Variants in SYT7 observed in about 807,000 individuals in gnomAD.
SYT7 encodes the protein synaptotagmin 7, also known as synaptotagmin-7.
A neutral mutation model predicts 75.1 loss-of-function variants in SYT7; 29 were observed. The observed-to-expected ratio is 0.39, with a 90% CI of 0.29 to 0.53. The LOEUF (loss-of-function observed/expected upper bound fraction) is 0.53. SYT7 is among the 20% of genes least tolerant of loss of function. The probability of loss-of-function intolerance (pLI) is 0.77; values close to 1 mark genes in which losing one functional copy is unlikely to be tolerated. For synonymous variants in SYT7, 376 were observed against 401.7 expected (o/e 0.94, Z 0.76); for missense variants, 693 against 953.2 (o/e 0.73, Z 3.59).
At chr11:61,543,564 G>A (rs1424708189) in intron 5 of SYT7, among the ~76,000 whole-genome samples, 1 of 152,248 alleles carries the variant, frequency 6.6e-6, no homozygotes, top group Non-Finnish European at 1.5e-5. Flanking sequence ...CTCTGGAAAA[G>A]TGACTCCACC....
intron 7 of SYT7, among the ~76,000 whole-genome samples, chr11:61,536,119 ATGGG>A (rs1332291647): frequency 6.6e-6 from 1 of 151,794 alleles, no homozygotes; most frequent in Non-Finnish European, 1.5e-5. Context: ...TGTTTCCAGG[ATGGG>A]TGGGCATGAC....
chr11:61,538,230 C>T lies in SYT7; in HGVS notation c.978G>A (p.Gly326=). The change falls in exon 7 of 13, where the codon GGG becomes GGA. Residue 326 remains glycine, a synonymous_variant. Transcript: ENST00000539008. The part of the protein sequence containing the change: ...GRMVVLSLVL[G]LSEQDDFANI... ...TGGCAAAGTCATCCTGTTCCGAAAGCCCTAAGACCAAGGATAGCACCACCA... is the reference window on the plus strand; with the variant it reads ...TGGCAAAGTCATCCTGTTCCGAAAGTCCTAAGACCAAGGATAGCACCACCA... 1.3e-6 allele frequency: 2 copies of T among 1,536,008 alleles called. No individual in the cohort carries two copies. Among genetic ancestry groups the T allele is most frequent in the Non-Finnish European group, 1.7e-6 (2 of 1,146,858 alleles).
chr11:61,538,356 A>AGAGAGC lies in SYT7; in HGVS notation c.942-91_942-90insGCTCTC, dbSNP rs2062937433. 15 of 703,190 alleles carry AGAGAGC rather than the reference A, an allele frequency of 2.1e-5. No homozygotes were observed. The South Asian group carries it at 3.2e-4, about 15-fold the overall frequency. The allele number at this position is 703,190 out of a possible 1,614,324, so 43.6% of individuals were successfully genotyped here. A position where few individuals can be genotyped will look rare whatever the true frequency, so the allele number is the denominator to read the frequency against. ...GGGAAGGAGAGAGAGGGAGAGAGAGAGAGAGAGAGAGAGAGAGAGAGAGAG... is the reference window on the plus strand; with the variant it reads ...GGGAAGGAGAGAGAGGGAGAGAGAGAGAGAGCGAGAGAGAGAGAGAGAGAGAGAGAG... On this transcript the variant is annotated intron_variant, in intron 6 of 12. Transcript: ENST00000539008.
chr11:61,579,282 G>A (rs1454667077), intron 1 of SYT7, among the ~76,000 whole-genome samples: 4 of 152,240 alleles, frequency 2.6e-5, no homozygotes, highest in Non-Finnish European at 2.9e-5. Flanking sequence ...CTCCTGCCAC[G>A]GGCCATGGGC....
At chr11:61,548,305 G>A in intron 3 of SYT7, among the ~76,000 whole-genome samples, 1 of 152,206 alleles carries the variant, frequency 6.6e-6, no homozygotes. Flanking sequence ...CCAAGGTGGA[G>A]CTGCTGGGTC....
chr11:61,538,079 G>A (rs964114630), intron 7 of SYT7, 65 bp downstream of exon 7: 10 of 1,526,042 alleles, frequency 6.6e-6, no homozygotes, highest in African/African-American at 2.8e-5. Flanking sequence ...GCCGGTCGAG[G>A]CAGGCGGCCT....
rs1336336849 is a variant in SYT7 at position 61,542,693 on chromosome 11, C to A, written c.573-114G>T. 1.4e-6 allele frequency: 2 copies of A among 1,382,700 alleles called. No individual in the cohort carries two copies. The highest frequency in any genetic ancestry group is 3.3e-5 in the Admixed American group (1 of 30,154). 85.7% of individuals were successfully genotyped at this position (1,382,700 alleles called of 1,614,324 possible). On this transcript the variant is annotated intron_variant, in intron 5 of 12. Coordinates refer to ENST00000539008, the MANE Select transcript of SYT7 (RefSeq NM_001365809.2). This position sits in a 1 kb window ranked among gnomAD's most constrained non-coding sequence, Gnocchi z 7.8. The stretch of plus-strand genomic sequence containing the variant: ...GGCCCCAGTGCAGGGTGCGCGCTGC[C>A]GGACCTCGCCAGGCCTCCATCGGAG...
chr11:61,543,004 G>A (rs1417621884), intron 5 of SYT7, among the ~76,000 whole-genome samples: 2 of 152,214 alleles, frequency 1.3e-5, no homozygotes, highest in Admixed American at 1.3e-4. Flanking sequence ...TTTCGCTGGG[G>A]GACACCAGGA....
upstream of SYT7, among the ~76,000 whole-genome samples, chr11:61,582,852 G>T (rs1441605653): frequency 6.6e-6 from 1 of 151,944 alleles, no homozygotes; most frequent in East Asian, 1.9e-4. Flanking sequence ...AGAAAGCTAA[G>T]CCAACAGGCT....
chr11:61,528,785 A>C (rs1194924493), intron 8 of SYT7, among the ~76,000 whole-genome samples: 1 of 152,200 alleles, frequency 6.6e-6, no homozygotes, highest in Non-Finnish European at 1.5e-5. Context: ...AGAAAATTGC[A>C]GACTCCCCAG....
At chr11:61,583,580 G>T (rs952709739), upstream of SYT7, among the ~76,000 whole-genome samples, 10 of 152,188 alleles carry the variant, frequency 6.6e-5, no homozygotes, top group African/African-American at 2.4e-4. Flanking sequence ...GAATCACTCT[G>T]GTTGAGACTC....
intron 7 of SYT7, chr11:61,533,665 G>A: frequency 2.0e-6 from 2 of 985,426 alleles, no homozygotes; most frequent in Non-Finnish European, 2.4e-6. Context: ...GACTGACCAG[G>A]TGAGGTCAGG....
chr11:61,540,416 G>C, intron 6 of SYT7: 4 of 751,812 alleles, frequency 5.3e-6, no homozygotes, highest in Non-Finnish European at 6.5e-6. Flanking sequence ...ATTTTTAGAG[G>C]GTTGTTTTAA....
intron 2 of SYT7, among the ~76,000 whole-genome samples, chr11:61,554,670 C>G (rs967190615): frequency 8.5e-5 from 13 of 152,168 alleles, no homozygotes; most frequent in African/African-American, 3.1e-4. Context: ...CCCCCAGCCT[C>G]CGAGGACACT....
intron 7 of SYT7, among the ~76,000 whole-genome samples, chr11:61,534,501 C>A (rs966443300): frequency 5.3e-5 from 8 of 151,880 alleles, no homozygotes; most frequent in African/African-American, 1.7e-4. Flanking sequence ...GCCCCACAGA[C>A]ATCCAGAGGG....
rs1385060746 is a variant in SYT7 at position 61,574,025 on chromosome 11, C to T, written c.31+6765G>A. Among the ~76,000 whole-genome samples the T allele has an allele frequency of 2.0e-5, 3 of 152,262 alleles. No homozygotes were observed. The East Asian group carries it at 5.8e-4, about 29-fold the overall frequency. The stretch of plus-strand genomic sequence containing the variant: ...GAGCACACAACATGTCTCTGCTATT[C>T]TGATGGTAACCTAACTGACACTGCC... On this transcript the variant is annotated intron_variant, in intron 1 of 12. Transcript: ENST00000539008.
At chr11:61,540,126 T>G (rs991603897) in intron 6 of SYT7, 1 of 152,120 alleles carries the variant, frequency 6.6e-6, no homozygotes, top group Admixed American at 6.5e-5. Context: ...GATTCGTCAC[T>G]CTCTCCAGCT....
At position 61,538,183 on chromosome 11, in the gene SYT7, G is replaced by A. The variant is rs2062926362; in HGVS notation, c.1025C>T (p.Pro342Leu). The A allele has an allele frequency of 2.0e-6, 3 of 1,535,962 alleles. No homozygotes were observed. The highest frequency in any genetic ancestry group is 2.0e-5 in the Admixed American group (1 of 50,988). ...DFANIPDLQN[P>L]GTQQNQNAQG... ...AGCGTTCTGGTTCTGCTGGGTTCCT[G>A]GGTTTTGCAGGTCAGGGATATTGGC... The change falls in exon 7 of 13, where the codon CCA (proline) becomes CTA (leucine). Residue 342 changes from proline (P) to leucine (L), a missense_variant. Physicochemically the swap from Pro to Leu is moderately conservative, Grantham distance 98 (BLOSUM62 -3). Transcript: ENST00000539008.
intron 1 of SYT7, among the ~76,000 whole-genome samples, chr11:61,565,420 A>G (rs570322791): frequency 6.6e-6 from 1 of 152,292 alleles, no homozygotes; most frequent in Middle Eastern, 3.4e-3. Flanking sequence ...ATAAAGGAAG[A>G]GAAAGCCAGT....
Sources: gnomAD v4.1 joint callset for allele counts (sites outside exome capture counted in the v4.1 genomes callset) on GRCh38, gnomAD v4.1.1 for gene constraint, Gnocchi (gnomAD v3.1) non-coding constraint, MANE v1.5 for transcripts, NCBI Gene and HGNC (gene_info 2026-07-23, HGNC 2026-07-21) for gene names.